The following PPARGC1B variants were observed in gnomAD, a reference collection of about 807,000 sequenced individuals.
The protein encoded by PPARGC1B is PPARG coactivator 1 beta.
Under a neutral mutation model 101.6 loss-of-function variants are expected in PPARGC1B, and 34 were observed. That is an observed-to-expected ratio of 0.33 (90% CI 0.25 to 0.45). PPARGC1B has a LOEUF of 0.45. PPARGC1B is among the 20% of genes least tolerant of loss of function. The pLI is 1.00. For missense variants in PPARGC1B, 1,234 were observed against 1,317.6 expected (o/e 0.94, Z 0.98); for synonymous variants, 548 against 539.3 (o/e 1.02, Z -0.22).
chr5:149,743,361 G>A (rs1338609764), intron 1 of PPARGC1B, among the ~76,000 whole-genome samples: 5 of 152,030 alleles, frequency 3.3e-5, no homozygotes, highest in Middle Eastern at 3.4e-3. Context: ...TCTCCATATT[G>A]GCCAGGCTGG....
rs147757452 is a variant in PPARGC1B at position 149,833,502 on chromosome 5, C to G, written c.1429C>G (p.Arg477Gly). 7.0e-6 allele frequency: 11 copies of G among 1,564,348 alleles called. No homozygotes were observed. In the Admixed American group the frequency reaches 9.6e-5, roughly 14 times the overall value. Residue 477 changes from arginine (R) to glycine (G), a missense_variant, in exon 5 of 12, where the codon CGG becomes GGG. Physicochemically the swap from Arg to Gly is moderately radical, Grantham distance 125. Around this residue, in one of 3 missense-constraint regions of PPARGC1B, gnomAD observed 734 missense variants for 768.4 expected, o/e 0.96. Coordinates refer to ENST00000309241, the MANE Select transcript of PPARGC1B (RefSeq NM_133263.4). This position sits in a 1 kb window ranked among gnomAD's most constrained non-coding sequence, Gnocchi z 4.1. ...RKLESSVCPV[R>G]RSRRLNPELG... ...GCTGGAGAGCTCTGTGTGCCCCGTG[C>G]GGCGTTCTCGGAGACTGAACCCTGA...
intron 1 of PPARGC1B, among the ~76,000 whole-genome samples, chr5:149,746,815 G>GTT (rs1320695730): frequency 6.6e-6 from 1 of 152,100 alleles, no homozygotes; most frequent in Admixed American, 6.5e-5. Flanking sequence ...ATGTGAGGTG[G>GTT]TTATCTTATT....
In PPARGC1B at chr5:149,833,356, A is replaced by T. The variant is rs1404249600; in HGVS notation, c.1283A>T (p.Gln428Leu). 1 of 1,613,500 alleles carries T rather than the reference A, an allele frequency of 6.2e-7. No individual in the cohort carries two copies. The highest frequency in any genetic ancestry group is 1.1e-5 in the South Asian group (1 of 91,076). Residue 428 changes from glutamine (Q) to leucine (L), a missense_variant, in exon 5 of 12, where the codon CAG becomes CTG. Gln to Leu is a moderately radical substitution (Grantham distance 113, BLOSUM62 -2). Coordinates refer to ENST00000309241, the MANE Select transcript of PPARGC1B (RefSeq NM_133263.4). This position sits in a 1 kb window ranked among gnomAD's most constrained non-coding sequence, Gnocchi z 4.1. The part of the protein sequence containing the change: ...REVRRPARLQ[Q>L]QEEEDEEEEE... ...GTCCGCCGGCCTGCCAGACTGCAGC[A>T]GCAGGAGGAGGAAGACGAGGAAGAA...
intron 1 of PPARGC1B, among the ~76,000 whole-genome samples, chr5:149,741,243 T>C (rs1432593822): frequency 6.6e-6 from 1 of 152,234 alleles, no homozygotes; most frequent in African/African-American, 2.4e-5. Context: ...AACCAGGCCC[T>C]GAGCAGTTGC....
intron 1 of PPARGC1B, among the ~76,000 whole-genome samples, chr5:149,755,354 G>A (rs1420721689): frequency 7.2e-5 from 11 of 151,796 alleles, no homozygotes; most frequent in Admixed American, 5.9e-4. Flanking sequence ...TGCCTCTGGT[G>A]TAGCTGGGAT....
At chr5:149,749,854 G>A (rs761167870) in intron 1 of PPARGC1B, among the ~76,000 whole-genome samples, 2 of 152,184 alleles carry the variant, frequency 1.3e-5, no homozygotes, top group African/African-American at 4.8e-5. Flanking sequence ...ACAAGTCTGG[G>A]ATTGTGAATC....
intron 6 of PPARGC1B, among the ~76,000 whole-genome samples, chr5:149,834,982 GC>G: frequency 6.6e-6 from 1 of 152,366 alleles, no homozygotes; most frequent in South Asian, 2.1e-4. Flanking sequence ...TTCTGACAGT[GC>G]CCTGTGGCTT....
chr5:149,806,957 T>C (rs1257456870), intron 1 of PPARGC1B, among the ~76,000 whole-genome samples: 1 of 143,700 alleles, frequency 7.0e-6, no homozygotes, highest in African/African-American at 2.6e-5. Flanking sequence ...AAATTTACCC[T>C]TTTTTTTTTT....
rs148191893 is a variant in PPARGC1B, at chr5:149,798,066, A to G, written c.79-22367A>G. Among the ~76,000 whole-genome samples the G allele has an allele frequency of 2.5e-3, 381 of 152,348 alleles. 3 individuals carry two copies. The highest frequency in any genetic ancestry group is 0.014 in the Middle Eastern group (4 of 294). The stretch of plus-strand genomic sequence containing the variant: ...CTTACTTTACAAGTATGATCTTATC[A>G]TTCCCATTTTACAGATAAAAGAGCT... On this transcript the variant is annotated intron_variant, in intron 1 of 11. Transcript: ENST00000309241.
chr5:149,732,901 AC>A (rs1218043522), intron 1 of PPARGC1B: 1 of 442,182 alleles, frequency 2.3e-6, no homozygotes, highest in Non-Finnish European at 4.8e-6. Context: ...GAGTGGAGTC[AC>A]CTTCCCCACT....
At chr5:149,788,250 C>T (rs1219069606) in intron 1 of PPARGC1B, among the ~76,000 whole-genome samples, 1 of 152,174 alleles carries the variant, frequency 6.6e-6, no homozygotes, top group Non-Finnish European at 1.5e-5. Context: ...ACAACCCCAT[C>T]AACAAGTGGG....
At position 149,730,392 on chromosome 5, in the gene PPARGC1B, T is replaced by C. The variant is rs1274889638; in HGVS notation, c.50T>C (p.Phe17Ser). Residue 17 changes from phenylalanine to serine, a missense_variant, in exon 1 of 12, where the codon TTC (phenylalanine) becomes TCC (serine). This residue lies in a region of PPARGC1B where 734 missense variants were observed against 768.4 expected (regional missense o/e 0.96). Transcript: ENST00000309241. This position sits in a 1 kb window ranked among gnomAD's most constrained non-coding sequence, Gnocchi z 4.0. ...CTGCTGGACGAAGAGCTCTCCTCCT[T>C]CTTCCTCAACTATCTCGCTGACACG... is the stretch of plus-strand genomic sequence containing the variant. ...GALLDEELSS[F>S]FLNYLADTQG... 4 of 1,573,816 alleles carry C rather than the reference T, an allele frequency of 2.5e-6. No individual in the cohort carries two copies. Among genetic ancestry groups the C allele is most frequent in the East Asian group, 2.4e-5 (1 of 41,426 alleles).
intron 1 of PPARGC1B, among the ~76,000 whole-genome samples, chr5:149,740,449 C>G (rs985046894): frequency 6.6e-6 from 1 of 152,198 alleles, no homozygotes; most frequent in Non-Finnish European, 1.5e-5. Flanking sequence ...AGTCGAGGCC[C>G]TGAGGTTCTT....
intron 1 of PPARGC1B, among the ~76,000 whole-genome samples, chr5:149,765,663 C>G (rs1755881517): frequency 6.6e-6 from 1 of 152,062 alleles, no homozygotes; most frequent in Non-Finnish European, 1.5e-5. Flanking sequence ...TCAAGACCAT[C>G]CTGGCCAACA....
chr5:149,821,385 T>G (rs1053644865), intron 2 of PPARGC1B, among the ~76,000 whole-genome samples: 14 of 152,208 alleles, frequency 9.2e-5, no homozygotes, highest in African/African-American at 3.4e-4. Context: ...ATATGATGTC[T>G]GGGGTTTGCT....
At chr5:149,809,586 G>T (rs1449034507) in intron 1 of PPARGC1B, among the ~76,000 whole-genome samples, 1 of 151,048 alleles carries the variant, frequency 6.6e-6, no homozygotes, top group Non-Finnish European at 1.5e-5. Context: ...TACTAAGGAG[G>T]CTGAGGCGGG....
rs1180323746 is a variant in PPARGC1B, at chr5:149,832,972, C to T, written c.899C>T (p.Pro300Leu). ...CGCTACATGCACACCTACTGCCTCC[C>T]CCAGAGGAAGCTGCCCCCACAGACC... Reference protein sequence around the residue: ...LIRYMHTYCLPQRKLPPQTPE... With the variant: ...LIRYMHTYCLLQRKLPPQTPE... Residue 300 changes from proline (P) to leucine (L), a missense_variant, in exon 5 of 12, where the codon CCC becomes CTC. Pro to Leu is a moderately conservative substitution (Grantham distance 98). Coordinates refer to ENST00000309241, the MANE Select transcript of PPARGC1B (RefSeq NM_133263.4). This position sits in a 1 kb window ranked among gnomAD's most constrained non-coding sequence, Gnocchi z 4.9. 1 of 1,613,442 alleles carries T rather than the reference C, an allele frequency of 6.2e-7. No individual in the cohort carries two copies. The highest frequency in any genetic ancestry group is 8.5e-7 in the Non-Finnish European group (1 of 1,180,018).
chr5:149,781,020 A>G (rs566681680), intron 1 of PPARGC1B, among the ~76,000 whole-genome samples: 9 of 152,326 alleles, frequency 5.9e-5, no homozygotes, highest in Non-Finnish European at 1.2e-4. Flanking sequence ...CCTGGCCAAC[A>G]TGGTGAAACC....
At chr5:149,775,509 A>G (rs1430531168) in intron 1 of PPARGC1B, among the ~76,000 whole-genome samples, 2 of 152,160 alleles carry the variant, frequency 1.3e-5, no homozygotes, top group Non-Finnish European at 2.9e-5. Context: ...TTCAGCACCC[A>G]TGGCAGACAG....
Sources: allele counts gnomAD v4.1 joint callset (sites outside exome capture counted in the v4.1 genomes callset), GRCh38; gene constraint gnomAD v4.1.1; regional missense constraint gnomAD v4.1.1; non-coding constraint Gnocchi (gnomAD v3.1); transcripts MANE v1.5; gene names NCBI Gene and HGNC (gene_info 2026-07-23, HGNC 2026-07-21).